NKAIN2: variants seen among roughly 807,000 people sequenced by gnomAD.
The protein encoded by NKAIN2 is sodium/potassium-transporting ATPase subunit beta-1-interacting protein 2.
Under a neutral mutation model 32.6 loss-of-function variants are expected in NKAIN2, and 14 were observed. The ratio of observed to expected loss-of-function variants is 0.43; its 90% CI spans 0.28 to 0.67. NKAIN2 has a LOEUF of 0.67. Among genes scored for constraint, NKAIN2 ranks in the 30% least tolerant of loss-of-function variants. The pLI, the probability that NKAIN2 is intolerant of heterozygous loss-of-function variation, is 0.17. For synonymous variants in NKAIN2, 80 were observed against 87.2 expected, an observed-to-expected ratio of 0.92 and a Z score of 0.46; for missense variants, 198 against 258.3, an observed-to-expected ratio of 0.77 and a Z score of 1.60.
At chr6:124,371,566 T>G (rs1316464945) in intron 3 of NKAIN2, among the ~76,000 whole-genome samples, 1 of 151,550 alleles carries the variant, frequency 6.6e-6, no homozygotes, top group Non-Finnish European at 1.5e-5. Context: ...TGGTGACGTG[T>G]GCCTGTAATC....
chr6:124,369,279 T>C (rs1583139839), intron 3 of NKAIN2, among the ~76,000 whole-genome samples: 1 of 152,348 alleles, frequency 6.6e-6, no homozygotes, highest in East Asian at 1.9e-4. Context: ...TGGAGTCATG[T>C]AAAATAACAA....
chr6:124,771,312 G>A (rs1778743013), intron 4 of NKAIN2, among the ~76,000 whole-genome samples: 1 of 152,158 alleles, frequency 6.6e-6, no homozygotes, highest in African/African-American at 2.4e-5. Flanking sequence ...TATATGAAAT[G>A]TTTTAAAGTG....
chr6:124,366,703 G>A (rs1799531524), intron 3 of NKAIN2, among the ~76,000 whole-genome samples: 1 of 152,034 alleles, frequency 6.6e-6, no homozygotes, highest in African/African-American at 2.4e-5. Context: ...TTGGGAGGCT[G>A]AGGTGGGTGG....
chr6:124,714,866 G>T (rs1775676988), intron 4 of NKAIN2, among the ~76,000 whole-genome samples: 1 of 152,148 alleles, frequency 6.6e-6, no homozygotes, highest in African/African-American at 2.4e-5. Flanking sequence ...GCAAGAAGCA[G>T]GTATGCCTGA....
intron 2 of NKAIN2, among the ~76,000 whole-genome samples, chr6:124,327,956 T>A (rs1403571156): frequency 6.6e-6 from 1 of 152,210 alleles, no homozygotes; most frequent in East Asian, 1.9e-4. Flanking sequence ...ACATTCAAAT[T>A]TCAAGTATTT....
intron 2 of NKAIN2, among the ~76,000 whole-genome samples, chr6:124,349,740 G>T (rs571482852): frequency 7.2e-5 from 11 of 152,120 alleles, no homozygotes; most frequent in Non-Finnish European, 1.5e-4. Context: ...CTCTGAGCCT[G>T]ACCAATATTT....
chr6:124,776,288 C>T (rs1411965519), intron 4 of NKAIN2, among the ~76,000 whole-genome samples: 1 of 152,160 alleles, frequency 6.6e-6, no homozygotes, highest in Non-Finnish European at 1.5e-5. Flanking sequence ...TTATTGTACC[C>T]TACACTGGCT....
rs186878275 is a variant in NKAIN2, at chr6:124,511,211, A to T, written c.274-146975A>T. Among the ~76,000 whole-genome samples the T allele has an allele frequency of 1.6e-3, 243 of 152,314 alleles. 1 individual carries two copies. The highest frequency in any genetic ancestry group is 5.6e-3 in the African/African-American group (233 of 41,578). ...TTTAATCTGCAAATTTATATCTATT[A>T]CATATCTTGAGCATTTTAGTTCAGA... On this transcript the variant is annotated intron_variant, in intron 3 of 6. Coordinates refer to ENST00000368417, the MANE Select transcript of NKAIN2 (RefSeq NM_001040214.3).
chr6:124,647,449 A>G (rs1443369967), intron 3 of NKAIN2, among the ~76,000 whole-genome samples: 4 of 133,280 alleles, frequency 3.0e-5, no homozygotes, highest in South Asian at 2.5e-4. Context: ...TAGTAAGCCA[A>G]GATTGTGCCA....
chr6:124,761,439 T>C (rs1778262169), intron 4 of NKAIN2, among the ~76,000 whole-genome samples: 1 of 152,162 alleles, frequency 6.6e-6, no homozygotes, highest in Non-Finnish European at 1.5e-5. Context: ...AAGATGCCAC[T>C]CATTTGTTCT....
chr6:124,417,934 G>A (rs2114523021), intron 3 of NKAIN2, among the ~76,000 whole-genome samples: 1 of 152,292 alleles, frequency 6.6e-6, no homozygotes, highest in South Asian at 2.1e-4. Context: ...TAAAGGGAAT[G>A]AGATTCAGAA....
At chr6:124,457,188 T>A (rs1332127605) in intron 3 of NKAIN2, among the ~76,000 whole-genome samples, 1 of 151,902 alleles carries the variant, frequency 6.6e-6, no homozygotes, top group Non-Finnish European at 1.5e-5. Flanking sequence ...AGTGACTAAT[T>A]TGTAACCCCA....
intron 1 of NKAIN2, among the ~76,000 whole-genome samples, chr6:124,203,487 A>G (rs1197133304): frequency 1.3e-5 from 2 of 151,998 alleles, no homozygotes; most frequent in African/African-American, 4.8e-5. Context: ...TAATTATTAA[A>G]ATATTCTAAT....
chr6:123,990,764 T>G (rs551290725), intron 1 of NKAIN2, among the ~76,000 whole-genome samples: 4 of 152,238 alleles, frequency 2.6e-5, no homozygotes, highest in Non-Finnish European at 4.4e-5. Flanking sequence ...ACTCTAATTT[T>G]CATGTAATCA....
intron 1 of NKAIN2, among the ~76,000 whole-genome samples, chr6:124,149,654 C>A (rs183903355): frequency 6.6e-6 from 1 of 152,296 alleles, no homozygotes; most frequent in East Asian, 1.9e-4. Context: ...TAGCCTTGTA[C>A]CAGTACCACA....
At chr6:124,661,975 T>G (rs1784761432) in intron 4 of NKAIN2, among the ~76,000 whole-genome samples, 1 of 152,182 alleles carries the variant, frequency 6.6e-6, no homozygotes, top group South Asian at 2.1e-4. Context: ...AACAGTCCTC[T>G]GAGGGCAGCA....
intron 1 of NKAIN2, among the ~76,000 whole-genome samples, chr6:123,812,735 G>C (rs1773528600): frequency 6.6e-6 from 1 of 152,156 alleles, no homozygotes; most frequent in African/African-American, 2.4e-5. Context: ...TGCCTTAGGC[G>C]GGGGAGTGGT....
At chr6:124,429,854 C>A (rs1171944042) in intron 3 of NKAIN2, among the ~76,000 whole-genome samples, 1 of 151,988 alleles carries the variant, frequency 6.6e-6, no homozygotes, top group African/African-American at 2.4e-5. Context: ...GGGAGTCTGG[C>A]AGGGTGATCA....
chr6:124,148,815 T>A (rs1166677746), intron 1 of NKAIN2, among the ~76,000 whole-genome samples: 2 of 152,190 alleles, frequency 1.3e-5, no homozygotes, highest in Non-Finnish European at 2.9e-5. Context: ...TTTATTTAGT[T>A]TTGGATTTAT....
Sources: gnomAD v4.1 joint callset for allele counts (sites outside exome capture counted in the v4.1 genomes callset) on GRCh38, gnomAD v4.1.1 for gene constraint, MANE v1.5 for transcripts, NCBI Gene and HGNC (gene_info 2026-07-23, HGNC 2026-07-21) for gene names.